ANKRD31: variants seen among roughly 807,000 people sequenced by gnomAD.
ANKRD31 encodes ankyrin repeat domain 31.
ANKRD31 carries 147 observed loss-of-function variants against 186.0 expected under a neutral mutation model. The ratio of observed to expected loss-of-function variants is 0.79; its 90% confidence interval spans 0.69 to 0.91. ANKRD31 has a LOEUF of 0.91. Ranked by LOEUF, ANKRD31 falls within the 40% of genes least tolerant of loss-of-function variation. The probability of loss-of-function intolerance (pLI) is 0.00; values close to 1 mark genes in which losing one functional copy is unlikely to be tolerated. For synonymous variants in ANKRD31, 673 were observed against 736.4 expected, an observed-to-expected ratio of 0.91 and a Z score of 1.39; for missense variants, 1,986 against 2,148.8, an observed-to-expected ratio of 0.92 and a Z score of 1.50.
At chr5:75,159,936 T>C (rs1184580549) in intron 11 of ANKRD31, among the ~76,000 whole-genome samples, 1 of 152,084 alleles carries the variant, frequency 6.6e-6, no homozygotes, top group East Asian at 1.9e-4. Context: ...ATATACTTGA[T>C]AATAATACCA....
At chr5:75,108,327 CAAT>C (rs1199490964) in intron 20 of ANKRD31, among the ~76,000 whole-genome samples, 1 of 151,954 alleles carries the variant, frequency 6.6e-6, no homozygotes, top group Non-Finnish European at 1.5e-5. Flanking sequence ...ACCACCATTA[CAAT>C]AATTACTTAA....
At chr5:75,080,666 T>C (rs1176237188) in intron 24 of ANKRD31, 27 bp from the exon 25 acceptor site, 2 of 1,505,364 alleles carry the variant, frequency 1.3e-6, no homozygotes. Flanking sequence ...ACGTTAGTAA[T>C]AATTTTGCTG....
chr5:75,115,458 A>G (rs991736002), intron 19 of ANKRD31, among the ~76,000 whole-genome samples: 2 of 152,010 alleles, frequency 1.3e-5, no homozygotes, highest in African/African-American at 2.4e-5. Context: ...AACTACCATC[A>G]GAGTGAACAG....
At chr5:75,137,360 T>C (rs1387427979) in intron 17 of ANKRD31, among the ~76,000 whole-genome samples, 1 of 152,142 alleles carries the variant, frequency 6.6e-6, no homozygotes, top group Non-Finnish European at 1.5e-5. Context: ...ATTGAAATAA[T>C]GATCCTCGTA....
chr5:75,200,960 G>A (rs1755788616), intron 5 of ANKRD31, among the ~76,000 whole-genome samples: 6 of 151,644 alleles, frequency 4.0e-5, no homozygotes. Context: ...TGACACACCT[G>A]AGTAGGAATT....
chr5:75,089,937 A>G (rs1194450557), intron 23 of ANKRD31, among the ~76,000 whole-genome samples: 1 of 152,224 alleles, frequency 6.6e-6, no homozygotes, highest in South Asian at 2.1e-4. Flanking sequence ...AAGGCAGGAA[A>G]TAACAGTAGT....
chr5:75,182,945 G>T (rs1754432478), intron 10 of ANKRD31, among the ~76,000 whole-genome samples: 3 of 152,156 alleles, frequency 2.0e-5, no homozygotes, highest in African/African-American at 7.2e-5. Flanking sequence ...TGATGGGTCA[G>T]GGGGAGGAGG....
At chr5:75,099,735 T>A (rs1202122532) in intron 22 of ANKRD31, among the ~76,000 whole-genome samples, 1 of 152,212 alleles carries the variant, frequency 6.6e-6, no homozygotes, top group Non-Finnish European at 1.5e-5. Context: ...GTTTATAGTA[T>A]TCTCTGATGG....
chr5:75,134,770 A>G (rs1750414850), intron 17 of ANKRD31, among the ~76,000 whole-genome samples: 1 of 152,244 alleles, frequency 6.6e-6, no homozygotes, highest in Non-Finnish European at 1.5e-5. Flanking sequence ...AATCCTCAGT[A>G]AAATACTGGC....
chr5:75,142,471 T>C (rs1372348813), intron 15 of ANKRD31, among the ~76,000 whole-genome samples: 1 of 152,120 alleles, frequency 6.6e-6, no homozygotes, highest in Non-Finnish European at 1.5e-5. Context: ...CTAAAAGCTC[T>C]GTATTGTTCT....
intron 22 of ANKRD31, among the ~76,000 whole-genome samples, chr5:75,098,170 T>A (rs1249402105): frequency 2.6e-5 from 4 of 152,140 alleles, no homozygotes; most frequent in African/African-American, 9.7e-5. Flanking sequence ...TTTTTTTGTA[T>A]TTTTAGTAGA....
intron 1 of ANKRD31, among the ~76,000 whole-genome samples, chr5:75,231,068 G>A (rs983979756): frequency 6.6e-6 from 1 of 151,854 alleles, no homozygotes; most frequent in Non-Finnish European, 1.5e-5. Flanking sequence ...TGCACTGACA[G>A]AATTCCTTTA....
chr5:75,102,312 G>A (rs543061478), intron 22 of ANKRD31, among the ~76,000 whole-genome samples: 4 of 152,260 alleles, frequency 2.6e-5, no homozygotes, highest in African/African-American at 4.8e-5. Context: ...TCAGAGGGGC[G>A]CCCAGCAGTA....
At chr5:75,211,036 T>A (rs1420806942) in intron 3 of ANKRD31, among the ~76,000 whole-genome samples, 171 bp from the exon 4 acceptor site, 3 of 152,180 alleles carry the variant, frequency 2.0e-5, no homozygotes, top group Non-Finnish European at 4.4e-5. Context: ...CATTTTTAAG[T>A]GTACAGTTCT....
chr5:75,089,651 G>A (rs1354859198), intron 23 of ANKRD31, among the ~76,000 whole-genome samples: 1 of 152,152 alleles, frequency 6.6e-6, no homozygotes, highest in Admixed American at 6.5e-5. Flanking sequence ...TTTACTAGAA[G>A]TACATCAGTG....
rs1196841152 is a variant in ANKRD31 at position 75,068,311 on chromosome 5, A to C, written c.*208T>G. 1.6e-5 allele frequency: 7 copies of C among 437,902 alleles called. No homozygotes were observed. Among genetic ancestry groups the C allele is most frequent in the Non-Finnish European group, 2.7e-5 (7 of 262,848 alleles). 27.1% of individuals were successfully genotyped at this position (437,902 alleles called of 1,614,324 possible). A position where few individuals can be genotyped will look rare whatever the true frequency, so the allele number is the denominator to read the frequency against. On this transcript the variant is annotated 3_prime_UTR_variant, in exon 26 of 26. Coordinates refer to ENST00000506364, the MANE Select transcript of ANKRD31 (RefSeq NM_001372053.1). ...GAGCCAATCAATATGGTCTAGTTCA[A>C]ATGTGCCTTTATTTCAATGGCAAAA...
Position 75,094,852 on chromosome 5 carries a change from T to G in ANKRD31, c.5332-3451A>C, listed in dbSNP as rs1746190710. 3.9e-5 allele frequency among the ~76,000 whole-genome samples: 6 copies of G among 152,032 alleles called. No individual in the cohort carries two copies. The South Asian group carries it at 1.2e-3, about 32-fold the overall frequency. ...GTAAGAGGACAGAAAAAGTATATCATATAAACCGCAACCACAAGAAAGCTG... is the reference window on the plus strand; with the variant it reads ...GTAAGAGGACAGAAAAAGTATATCAGATAAACCGCAACCACAAGAAAGCTG... On this transcript the variant is annotated intron_variant, in intron 22 of 25. Coordinates refer to ENST00000506364, the MANE Select transcript of ANKRD31 (RefSeq NM_001372053.1).
At chr5:75,226,858 G>A (rs769320552) in intron 2 of ANKRD31, among the ~76,000 whole-genome samples, 2 of 152,160 alleles carry the variant, frequency 1.3e-5, no homozygotes, top group Non-Finnish European at 2.9e-5. Context: ...AGAATAGTTT[G>A]GCAATCCCTC....
At chr5:75,234,907 A>T (rs975002288) in intron 1 of ANKRD31, among the ~76,000 whole-genome samples, 1 of 152,000 alleles carries the variant, frequency 6.6e-6, no homozygotes, top group African/African-American at 2.4e-5. Context: ...GGATTCAACT[A>T]AACTATTTTC....
Sources: allele counts gnomAD v4.1 joint callset (sites outside exome capture counted in the v4.1 genomes callset), GRCh38; gene constraint gnomAD v4.1.1; transcripts MANE v1.5; gene names NCBI Gene and HGNC (gene_info 2026-07-23, HGNC 2026-07-21).